The following TMEM178B variants were observed in gnomAD, a reference collection of about 807,000 sequenced individuals.
TMEM178B encodes transmembrane protein 178B.
Under a neutral mutation model 31.0 loss-of-function variants are expected in TMEM178B, and 5 were observed. The ratio of observed to expected loss-of-function variants is 0.16; its 90% confidence interval spans 0.08 to 0.34. TMEM178B has a LOEUF of 0.34. TMEM178B is among the 10% of genes least tolerant of loss of function. TMEM178B has a pLI of 1.00. For missense variants in TMEM178B, 275 were observed against 400.3 expected, an observed-to-expected ratio of 0.69 and a Z score of 2.67; for synonymous variants, 164 against 164.0, an observed-to-expected ratio of 1.00 and a Z score of 0.00.
At chr7:141,433,935 T>A (rs537796335) in intron 2 of TMEM178B, among the ~76,000 whole-genome samples, 1 of 152,298 alleles carries the variant, frequency 6.6e-6, no homozygotes, top group East Asian at 1.9e-4. Flanking sequence ...TGTTTCTAGA[T>A]CAACAGCTTA....
intron 1 of TMEM178B, among the ~76,000 whole-genome samples, chr7:141,117,690 G>T (rs184653337): frequency 1.3e-5 from 2 of 152,202 alleles, no homozygotes; most frequent in African/African-American, 4.8e-5. Flanking sequence ...TTTTGTATAA[G>T]GTGTAAGGAA....
At chr7:141,084,159 T>G (rs1028316252) in intron 1 of TMEM178B, among the ~76,000 whole-genome samples, 2 of 152,378 alleles carry the variant, frequency 1.3e-5, no homozygotes, top group East Asian at 1.9e-4. Flanking sequence ...CAAAGTATGC[T>G]TGGGATGCAG....
chr7:141,168,403 G>A (rs1270158393), intron 1 of TMEM178B, among the ~76,000 whole-genome samples: 5 of 152,172 alleles, frequency 3.3e-5, no homozygotes, highest in Admixed American at 6.5e-5. Context: ...TGGCATTGGG[G>A]ATTGTAATTT....
intron 2 of TMEM178B, among the ~76,000 whole-genome samples, chr7:141,433,094 A>G (rs180859668): frequency 8.7e-4 from 133 of 152,330 alleles, no homozygotes; most frequent in African/African-American, 3.0e-3. Flanking sequence ...CTTCAGTACA[A>G]TACCCTGACC....
chr7:141,168,547 G>T (rs1391022054), intron 1 of TMEM178B, among the ~76,000 whole-genome samples: 1 of 152,154 alleles, frequency 6.6e-6, no homozygotes, highest in East Asian at 1.9e-4. Flanking sequence ...TGAGGTGGGT[G>T]GAACACTTGA....
In TMEM178B at chr7:141,476,920, A is replaced by C. The variant is rs1025276457; in HGVS notation, c.*6134A>C. 3.9e-5 allele frequency: 6 copies of C among 154,848 alleles called. No individual in the cohort carries two copies. Among genetic ancestry groups the C allele is most frequent in the African/African-American group, 1.4e-4 (6 of 41,530 alleles). The allele number at this position is 154,848 out of a possible 1,614,324, so 9.6% of individuals were successfully genotyped here. On this transcript the variant is annotated 3_prime_UTR_variant, in exon 4 of 4. Transcript: ENST00000565468. ...GTGAAAAACAGAAAACTGGGTCTGA[A>C]CATGAAGAGTTGCACAGCAGTAGTT... is the stretch of plus-strand genomic sequence containing the variant.
chr7:141,137,638 T>C (rs1394357728), intron 1 of TMEM178B, among the ~76,000 whole-genome samples: 1 of 152,234 alleles, frequency 6.6e-6, no homozygotes, highest in Non-Finnish European at 1.5e-5. Context: ...TTAACCATAA[T>C]TTATTGTATA....
intron 1 of TMEM178B, among the ~76,000 whole-genome samples, chr7:141,190,578 T>C (rs561201988): frequency 6.6e-6 from 1 of 152,204 alleles, no homozygotes; most frequent in East Asian, 1.9e-4. Flanking sequence ...CTCAAGGTGT[T>C]CGGATTACAG....
chr7:141,325,507 T>C lies in TMEM178B; in HGVS notation c.497-112101T>C, dbSNP rs938632247. 5.3e-5 allele frequency among the ~76,000 whole-genome samples: 8 copies of C among 152,322 alleles called. No individual in the cohort carries two copies. The South Asian group carries it at 1.7e-3, about 32-fold the overall frequency. ...CCAGCACTTGATGCTTGACCTTAGG[T>C]GTGCCAATCTTGGCACCTCTGTTTT... On this transcript the variant is annotated intron_variant, in intron 2 of 3. Coordinates refer to ENST00000565468, the MANE Select transcript of TMEM178B (RefSeq NM_001195278.2).
At chr7:141,458,688 A>G (rs1185910160) in intron 3 of TMEM178B, among the ~76,000 whole-genome samples, 2 of 152,132 alleles carry the variant, frequency 1.3e-5, no homozygotes, top group East Asian at 3.9e-4. Context: ...CTAATATTAT[A>G]CCTTACATGT....
chr7:141,164,735 C>T (rs929234166), intron 1 of TMEM178B, among the ~76,000 whole-genome samples: 3 of 152,054 alleles, frequency 2.0e-5, no homozygotes, highest in East Asian at 1.9e-4. Context: ...TTCTCTTTTT[C>T]ATAAGAAAAA....
Position 141,111,643 on chromosome 7 carries a change from G to A in TMEM178B, c.382+36951G>A, listed in dbSNP as rs370624640. Among the ~76,000 whole-genome samples, 14 of 99,596 alleles carry A rather than the reference G, an allele frequency of 1.4e-4. No individual in the cohort carries two copies. The East Asian group carries it at 3.0e-3, about 22-fold the overall frequency. The allele number at this position is 99,596 out of a possible 152,430, so 65.3% of individuals were successfully genotyped here. The stretch of plus-strand genomic sequence containing the variant: ...GCTGTGAAGCCAGCTTGTGTAGATC[G>A]GAGAAGATGAATGTTAAAAAGTTGG... On this transcript the variant is annotated intron_variant, in intron 1 of 3. Coordinates refer to ENST00000565468, the MANE Select transcript of TMEM178B (RefSeq NM_001195278.2).
At chr7:141,402,342 G>A (rs889945346) in intron 2 of TMEM178B, among the ~76,000 whole-genome samples, 5 of 152,292 alleles carry the variant, frequency 3.3e-5, no homozygotes, top group African/African-American at 1.2e-4. Context: ...CAGCGTGGGT[G>A]TAGGCCCCCT....
chr7:141,167,859 C>A (rs1410611293), intron 1 of TMEM178B, among the ~76,000 whole-genome samples: 3 of 152,196 alleles, frequency 2.0e-5, no homozygotes, highest in African/African-American at 7.2e-5. Context: ...AGGGAAGCAG[C>A]TTTTTCCTGC....
chr7:141,380,932 T>G lies in TMEM178B; in HGVS notation c.497-56676T>G, dbSNP rs1004970032. ...ACATCTAGAAGAAAGCAGACCTAAC[T>G]GGGGATTACAGAGGCTAACATGGTG... On this transcript the variant is annotated intron_variant, in intron 2 of 3. Transcript: ENST00000565468. 3.9e-5 allele frequency among the ~76,000 whole-genome samples: 6 copies of G among 152,174 alleles called. 1 individual carries two copies. The highest frequency in any genetic ancestry group is 2.1e-4 in the South Asian group (1 of 4,826).
At chr7:141,261,637 C>G (rs1275086378) in intron 2 of TMEM178B, among the ~76,000 whole-genome samples, 1 of 152,106 alleles carries the variant, frequency 6.6e-6, no homozygotes, top group East Asian at 1.9e-4. Flanking sequence ...ATTACAACTT[C>G]CCCAGACTGA....
At chr7:141,134,711 C>A (rs1795647189) in intron 1 of TMEM178B, among the ~76,000 whole-genome samples, 1 of 152,164 alleles carries the variant, frequency 6.6e-6, no homozygotes, top group Non-Finnish European at 1.5e-5. Context: ...AAATATCTCA[C>A]TTAGAAGATA....
In TMEM178B at chr7:141,474,144, G is replaced by T. The variant is rs772929552; in HGVS notation, c.*3358G>T. 9 of 152,162 alleles carry T rather than the reference G, an allele frequency of 5.9e-5. No homozygotes were observed. The highest frequency in any genetic ancestry group is 1.3e-4 in the Non-Finnish European group (9 of 68,042). 9.4% of individuals were successfully genotyped at this position (152,162 alleles called of 1,614,324 possible). On this transcript the variant is annotated 3_prime_UTR_variant, in exon 4 of 4. Transcript: ENST00000565468. ...TGAGCTCCATGCAAGTCAACCTTGA[G>T]CCTGGGGCCCATTGCAACTTTTATT...
At chr7:141,230,714 G>A (rs1431468157) in intron 2 of TMEM178B, among the ~76,000 whole-genome samples, 4 of 152,202 alleles carry the variant, frequency 2.6e-5, no homozygotes, top group Admixed American at 1.3e-4. Flanking sequence ...ATGGCTCACT[G>A]CAGTCTTGAA....
Sources: allele counts gnomAD v4.1 joint callset (sites outside exome capture counted in the v4.1 genomes callset), GRCh38; gene constraint gnomAD v4.1.1; transcripts MANE v1.5; gene names NCBI Gene and HGNC (gene_info 2026-07-23, HGNC 2026-07-21).